The following CHCHD6 variants were observed in gnomAD, a reference collection of about 807,000 sequenced individuals.
CHCHD6 encodes MICOS complex subunit MIC25.
In CHCHD6, 28 loss-of-function variants were observed where a neutral mutation model predicts 32.3. The observed-to-expected ratio is 0.87, with a 90% CI of 0.64 to 1.19. CHCHD6 has a LOEUF of 1.19. Ranked by LOEUF, CHCHD6 falls within the 50% of genes most tolerant of loss-of-function variation. The probability of loss-of-function intolerance (pLI) is 0.00; values close to 1 mark genes in which losing one functional copy is unlikely to be tolerated. For missense variants in CHCHD6, 333 were observed against 307.0 expected (o/e 1.08, Z -0.63); for synonymous variants, 122 against 117.5 (o/e 1.04, Z -0.25).
At chr3:126,733,790 T>G (rs1278323773) in intron 4 of CHCHD6, among the ~76,000 whole-genome samples, 1 of 152,188 alleles carries the variant, frequency 6.6e-6, no homozygotes, top group Non-Finnish European at 1.5e-5. Flanking sequence ...GTTGTTATCA[T>G]TAATACATTT....
intron 5 of CHCHD6, among the ~76,000 whole-genome samples, chr3:126,913,207 CTTTTTTTTT>C (rs546179022): frequency 2.4e-4 from 8 of 33,782 alleles, no homozygotes; most frequent in African/African-American, 6.5e-4. Context: ...CCGTATGAGC[CTTTTTTTTT>C]TTTTTTTTTT....
intron 4 of CHCHD6, among the ~76,000 whole-genome samples, chr3:126,738,793 A>G (rs1936167370): frequency 6.7e-6 from 1 of 150,158 alleles, no homozygotes; most frequent in Admixed American, 6.6e-5. Context: ...TTCAAGCAAT[A>G]AAACAAAACA....
At chr3:126,762,404 G>GT (rs1937196864) in intron 4 of CHCHD6, among the ~76,000 whole-genome samples, 1 of 152,130 alleles carries the variant, frequency 6.6e-6, no homozygotes, top group East Asian at 1.9e-4. Context: ...TGATAAATTG[G>GT]TTGTTGAGTA....
chr3:126,933,176 C>G (rs1487993772), intron 6 of CHCHD6, among the ~76,000 whole-genome samples: 2 of 152,288 alleles, frequency 1.3e-5, no homozygotes, highest in Non-Finnish European at 2.9e-5. Context: ...GGAAGCCCTA[C>G]CTGCTTCCAT....
At chr3:126,807,829 G>A (rs1279264111) in intron 4 of CHCHD6, among the ~76,000 whole-genome samples, 1 of 152,188 alleles carries the variant, frequency 6.6e-6, no homozygotes, top group Non-Finnish European at 1.5e-5. Flanking sequence ...AGAACAGGGA[G>A]TGGCAAACTT....
At chr3:126,790,926 C>T (rs997390822) in intron 4 of CHCHD6, among the ~76,000 whole-genome samples, 1 of 151,992 alleles carries the variant, frequency 6.6e-6, no homozygotes, top group African/African-American at 2.4e-5. Context: ...CAGTTTTTCT[C>T]TTCTGTTTTT....
At chr3:126,831,474 G>GT (rs1559869788) in intron 4 of CHCHD6, among the ~76,000 whole-genome samples, 1 of 152,176 alleles carries the variant, frequency 6.6e-6, no homozygotes, top group Non-Finnish European at 1.5e-5. Context: ...TCTCCTCGAT[G>GT]TAAGTGATGA....
intron 4 of CHCHD6, chr3:126,767,491 T>G: frequency 1.7e-6 from 1 of 575,322 alleles, no homozygotes; most frequent in East Asian, 3.6e-5. Flanking sequence ...TTTCCTCCCA[T>G]GCCTGTTAGG....
intron 5 of CHCHD6, among the ~76,000 whole-genome samples, chr3:126,866,000 T>A (rs539579688): frequency 6.6e-6 from 1 of 152,142 alleles, no homozygotes; most frequent in Non-Finnish European, 1.5e-5. Flanking sequence ...TTAGGTTTCC[T>A]GATGGTGGGG....
In CHCHD6 at chr3:126,740,040, A is replaced by C. The variant is rs1936222908; in HGVS notation, c.411+6818A>C. Among the ~76,000 whole-genome samples the C allele has an allele frequency of 2.6e-5, 4 of 152,204 alleles. 1 individual carries two copies. The South Asian group carries it at 8.3e-4, about 32-fold the overall frequency. On this transcript the variant is annotated intron_variant, in intron 4 of 7. Coordinates refer to ENST00000290913, the MANE Select transcript of CHCHD6 (RefSeq NM_032343.3). ...ATTAGTGTGGGAGGTTGAGTAGCCT[A>C]GTTGAGTAGAATGTGGGCTGTAGTG...
chr3:126,752,768 C>T (rs1936780043), intron 4 of CHCHD6, among the ~76,000 whole-genome samples: 1 of 152,204 alleles, frequency 6.6e-6, no homozygotes, highest in Non-Finnish European at 1.5e-5. Flanking sequence ...CCGCTTTTCT[C>T]TCACCCTGTT....
chr3:126,951,640 TGAG>T (rs796822226), intron 6 of CHCHD6, among the ~76,000 whole-genome samples: 14 of 152,328 alleles, frequency 9.2e-5, no homozygotes, highest in African/African-American at 3.1e-4. Flanking sequence ...GTATTCTGCC[TGAG>T]GAGAAGTGGG....
At chr3:126,716,466 G>T (rs967856279) in intron 1 of CHCHD6, among the ~76,000 whole-genome samples, 3 of 152,158 alleles carry the variant, frequency 2.0e-5, no homozygotes, top group Admixed American at 2.0e-4. Flanking sequence ...TCAGTGGCTT[G>T]TCTTCTCTCC....
At chr3:126,959,347 G>A (rs1246982119) in intron 7 of CHCHD6, among the ~76,000 whole-genome samples, 1 of 152,236 alleles carries the variant, frequency 6.6e-6, no homozygotes, top group Non-Finnish European at 1.5e-5. Flanking sequence ...GGCAGTGTGT[G>A]TGCATTTGGA....
At chr3:126,773,146 C>G (rs867319943) in intron 4 of CHCHD6, among the ~76,000 whole-genome samples, 1 of 152,078 alleles carries the variant, frequency 6.6e-6, no homozygotes, top group Non-Finnish European at 1.5e-5. Context: ...TGCCCTTTCT[C>G]TCTAACTGCA....
At chr3:126,926,002 C>T (rs2078319052) in intron 6 of CHCHD6, among the ~76,000 whole-genome samples, 1 of 152,222 alleles carries the variant, frequency 6.6e-6, no homozygotes, top group South Asian at 2.1e-4. Context: ...CCTGGAGGCC[C>T]TTGCCTCCGC....
chr3:126,810,791 G>C (rs1939622164), intron 4 of CHCHD6, among the ~76,000 whole-genome samples: 1 of 152,216 alleles, frequency 6.6e-6, no homozygotes, highest in Non-Finnish European at 1.5e-5. Context: ...AGAAGGCTCA[G>C]TATGGATGCT....
intron 4 of CHCHD6, among the ~76,000 whole-genome samples, chr3:126,834,224 G>A (rs1351738344): frequency 6.6e-6 from 1 of 152,078 alleles, no homozygotes; most frequent in Non-Finnish European, 1.5e-5. Flanking sequence ...AAGTGACTCA[G>A]GGCTGCTGCT....
intron 1 of CHCHD6, among the ~76,000 whole-genome samples, chr3:126,725,318 G>A (rs1264559032): frequency 6.6e-6 from 1 of 152,220 alleles, no homozygotes; most frequent in African/African-American, 2.4e-5. Context: ...GGGTGACCAG[G>A]TGCATTGTCA....
Sources: gnomAD v4.1 joint callset for allele counts (sites outside exome capture counted in the v4.1 genomes callset) on GRCh38, gnomAD v4.1.1 for gene constraint, MANE v1.5 for transcripts, NCBI Gene and HGNC (gene_info 2026-07-23, HGNC 2026-07-21) for gene names.